Variants in HMCN1 observed in about 807,000 individuals in gnomAD.
The protein encoded by HMCN1 is hemicentin 1, also known as hemicentin-1.
HMCN1 carries 321 observed loss-of-function variants against 625.9 expected under a neutral mutation model. The observed-to-expected ratio is 0.51, with a 90% CI of 0.47 to 0.56. The LOEUF is 0.56. Ranked by LOEUF, HMCN1 falls within the 20% of genes least tolerant of loss-of-function variation. HMCN1 has a pLI of 0.00. For missense variants in HMCN1, 6,588 were observed against 6,887.3 expected, an observed-to-expected ratio of 0.96 and a Z score of 1.54; for synonymous variants, 2,425 against 2,417.6, an observed-to-expected ratio of 1.00 and a Z score of -0.09.
Position 186,144,587 on chromosome 1 carries a change from G to A in HMCN1, c.14150G>A (p.Gly4717Glu), listed in dbSNP as rs1207896972. 2 of 1,614,020 alleles carry A rather than the reference G, an allele frequency of 1.2e-6. No individual in the cohort carries two copies. Among genetic ancestry groups the A allele is most frequent in the African/African-American group, 1.3e-5 (1 of 74,908 alleles). ...TGGAGTGCCTGTTCTGTGTCATGTG[G>A]AGGAGGTGCCAGACAGAGAACAAGG... ...ASWSACSVSC[G>E]GGARQRTRGC... The change falls in exon 91 of 107, where the codon GGA becomes GAA. Residue 4717 changes from glycine to glutamate, a missense_variant. By Grantham distance (98) the Gly-to-Glu change is moderately conservative. Transcript: ENST00000271588.
intron 25 of HMCN1, 69 bp downstream of exon 25, chr1:185,997,593 A>G: frequency 9.4e-7 from 1 of 1,060,730 alleles, no homozygotes; most frequent in South Asian, 1.3e-5. Context: ...TATTGAACCC[A>G]AATTGTCATC....
At chr1:185,886,225 A>G (rs1664639725) in intron 4 of HMCN1, among the ~76,000 whole-genome samples, 1 of 152,048 alleles carries the variant, frequency 6.6e-6, no homozygotes, top group Admixed American at 6.6e-5. Flanking sequence ...GAAAAAAAAA[A>G]AGAGATGAGG....
At position 186,093,507 on chromosome 1, in the gene HMCN1, A is replaced by G. The variant is rs1659958958; in HGVS notation, c.10034A>G (p.Asn3345Ser). 1.9e-6 allele frequency: 3 copies of G among 1,613,344 alleles called. No individual in the cohort carries two copies. The highest frequency in any genetic ancestry group is 2.5e-6 in the Non-Finnish European group (3 of 1,179,540). ...ATAGTTACACCTACAATTAGGGGTA[A>G]TAAAGATGAAGCAGAGAAACTAATG... ...NVYVTPTIRG[N>S]KDEAEKLMTL... Residue 3345 changes from asparagine (N) to serine (S), a missense_variant, in exon 66 of 107, where the codon AAT becomes AGT. This residue lies in a region of HMCN1 where 4,628 missense variants were observed against 4,853.1 expected (regional missense o/e 0.95). Transcript: ENST00000271588.
chr1:185,993,997 C>A (rs1213251589), intron 23 of HMCN1, among the ~76,000 whole-genome samples: 1 of 152,088 alleles, frequency 6.6e-6, no homozygotes, highest in East Asian at 1.9e-4. Flanking sequence ...GGGCATCAGG[C>A]ATATTCACTA....
In HMCN1 at chr1:185,845,917, A is replaced by G. The variant is rs926811054; in HGVS notation, c.269-109A>G. The G allele has an allele frequency of 6.4e-5, 46 of 717,186 alleles. No homozygotes were observed. In the East Asian group the frequency reaches 1.1e-3, roughly 17 times the overall value. 44.4% of individuals were successfully genotyped at this position (717,186 alleles called of 1,614,324 possible). On this transcript the variant is annotated intron_variant, in intron 1 of 106. Transcript: ENST00000271588. ...AGTGTTTGGTATTTTACTATTTCTT[A>G]TTAATAAGTAACCATGTACTGCAAG...
intron 25 of HMCN1, among the ~76,000 whole-genome samples, chr1:185,997,850 A>G (rs1571688778): frequency 6.8e-6 from 1 of 147,454 alleles, no homozygotes; most frequent in Non-Finnish European, 1.5e-5. Flanking sequence ...ACAATGTGAT[A>G]GCTGGAGCTA....
rs148920477 is a variant in HMCN1 at position 186,083,609 on chromosome 1, A to G, written c.8884+648A>G. On this transcript the variant is annotated intron_variant, in intron 57 of 106. Transcript: ENST00000271588. ...AACTTGGAAATGGTGGATAATCATT[A>G]TAAAAGATCTCCTTTACATACATAA... Among the ~76,000 whole-genome samples, 745 of 152,088 alleles carry G rather than the reference A, an allele frequency of 4.9e-3. 24 individuals carry two copies. The highest frequency in any genetic ancestry group is 0.038 in the Admixed American group (572 of 15,248).
intron 1 of HMCN1, among the ~76,000 whole-genome samples, chr1:185,737,974 A>G (rs868567354): frequency 6.6e-6 from 1 of 152,212 alleles, no homozygotes; most frequent in Non-Finnish European, 1.5e-5. Context: ...TGTGCATGTA[A>G]GAAGCGCTGT....
intron 43 of HMCN1, among the ~76,000 whole-genome samples, chr1:186,053,320 AT>A (rs1365240126): frequency 6.6e-6 from 1 of 151,918 alleles, no homozygotes; most frequent in African/African-American, 2.4e-5. Context: ...TTAATTGATT[AT>A]TTTTTACTCA....
intron 48 of HMCN1, 73 bp downstream of exon 48, chr1:186,062,673 A>T: frequency 1.0e-6 from 1 of 995,346 alleles, no homozygotes; most frequent in South Asian, 1.3e-5. Flanking sequence ...TATATATCTT[A>T]AAAATTTTTT....
At chr1:185,767,282 T>A (rs1655936848) in intron 1 of HMCN1, among the ~76,000 whole-genome samples, 1 of 152,206 alleles carries the variant, frequency 6.6e-6, no homozygotes, top group Non-Finnish European at 1.5e-5. Context: ...TTTAGTGATT[T>A]GTGAGCTCTC....
At chr1:186,165,509 C>T (rs112582488) in intron 98 of HMCN1, among the ~76,000 whole-genome samples, 2,750 of 152,282 alleles carry the variant, frequency 0.018, 91 homozygotes, top group African/African-American at 0.058. Flanking sequence ...GCTTGATTGC[C>T]GTGGCTGTGA....
intron 6 of HMCN1, among the ~76,000 whole-genome samples, chr1:185,916,781 C>T (rs151006092): frequency 3.9e-5 from 6 of 152,240 alleles, no homozygotes; most frequent in Admixed American, 3.3e-4. Flanking sequence ...GTTAATTCCT[C>T]GCTAATGTTC....
rs554924442 is a variant in HMCN1 at position 185,831,827 on chromosome 1, C to A, written c.269-14199C>A. On this transcript the variant is annotated intron_variant, in intron 1 of 106. Coordinates refer to ENST00000271588, the MANE Select transcript of HMCN1 (RefSeq NM_031935.3). ...AAACATATACGGGAAAAAAATAAAA[C>A]CTTAAAAGAAATAAAAAACCTTCTA... Among the ~76,000 whole-genome samples the A allele has an allele frequency of 7.2e-5, 11 of 152,120 alleles. No homozygotes were observed. The South Asian group carries it at 2.3e-3, about 32-fold the overall frequency.
In HMCN1 at chr1:186,051,666, A is replaced by G. The variant is rs12079349; in HGVS notation, c.6578-1286A>G. 6.2e-3 allele frequency among the ~76,000 whole-genome samples: 942 copies of G among 152,186 alleles called. 14 individuals carry two copies. Among genetic ancestry groups the G allele is most frequent in the African/African-American group, 0.021 (877 of 41,556 alleles). ...ACAGAGTAAACTGTAGGACTCATCC[A>G]GAGTAAGAGTATTGACAAATAAGAA... On this transcript the variant is annotated intron_variant, in intron 42 of 106. Transcript: ENST00000271588.
chr1:186,003,944 G>A, intron 29 of HMCN1, 100 bp downstream of exon 29: 4 of 1,118,146 alleles, frequency 3.6e-6, no homozygotes, highest in Non-Finnish European at 5.3e-6. Flanking sequence ...TTATTACATA[G>A]AATATTATTA....
At chr1:186,132,436 A>T (rs918119652) in intron 86 of HMCN1, 27 bp downstream of exon 86, 16 of 1,518,582 alleles carry the variant, frequency 1.1e-5, no homozygotes, top group Non-Finnish European at 1.5e-5. Flanking sequence ...AACTAATTAA[A>T]CACTTGATTT....
At chr1:186,015,923 A>G (rs1654336085) in intron 31 of HMCN1, 35 bp from the exon 32 acceptor site, 1 of 1,593,092 alleles carries the variant, frequency 6.3e-7, no homozygotes, top group African/African-American at 1.3e-5. Context: ...GACCACACAA[A>G]TAATTGCCTG....
chr1:186,163,943 A>G (rs1247938680), intron 97 of HMCN1, among the ~76,000 whole-genome samples: 1 of 152,228 alleles, frequency 6.6e-6, no homozygotes, highest in Admixed American at 6.5e-5. Context: ...CTATCAGATA[A>G]TAACTATGTT....
Sources: gnomAD v4.1 joint callset for allele counts (sites outside exome capture counted in the v4.1 genomes callset) on GRCh38, gnomAD v4.1.1 for gene constraint, gnomAD v4.1.1 regional missense constraint, MANE v1.5 for transcripts, NCBI Gene and HGNC (gene_info 2026-07-23, HGNC 2026-07-21) for gene names.